FREM1: variants seen among roughly 807,000 people sequenced by gnomAD.
FREM1 encodes the protein FRAS1 related extracellular matrix 1.
Under a neutral mutation model 210.1 loss-of-function variants are expected in FREM1, and 220 were observed. That is an observed-to-expected ratio of 1.05 (90% confidence interval 0.94 to 1.17). The LOEUF is 1.17. Among genes scored for constraint, FREM1 ranks in the 50% most tolerant of loss-of-function variants. The probability of loss-of-function intolerance (pLI) is 0.00; values close to 1 mark genes in which losing one functional copy is unlikely to be tolerated. For synonymous variants in FREM1, 1,189 were observed against 980.2 expected (o/e 1.21, Z -3.98); for missense variants, 3,454 against 2,675.5 (o/e 1.29, Z -6.42).
At chr9:14,746,258 C>T (rs1842405798) in intron 35 of FREM1, 95 bp downstream of exon 35, 1 of 899,986 alleles carries the variant, frequency 1.1e-6, no homozygotes, top group Non-Finnish European at 1.8e-6. Flanking sequence ...GCACTCAATA[C>T]TTGTTGAATG....
intron 34 of FREM1, 53 bp downstream of exon 34, chr9:14,746,870 A>C: frequency 6.3e-7 from 1 of 1,581,690 alleles, no homozygotes. Flanking sequence ...CTATTAGCTT[A>C]TCATAGAGCA....
At chr9:14,862,883 C>G (rs1830826421) in intron 3 of FREM1, among the ~76,000 whole-genome samples, 1 of 152,076 alleles carries the variant, frequency 6.6e-6, no homozygotes, top group Non-Finnish European at 1.5e-5. Context: ...ATCCATTCAT[C>G]AGTTGGATTT....
chr9:14,882,352 G>A (rs865797054), intron 1 of FREM1, among the ~76,000 whole-genome samples: 3 of 152,060 alleles, frequency 2.0e-5, no homozygotes, highest in Non-Finnish European at 2.9e-5. Context: ...GAGAAGAGAG[G>A]AGATATCTAT....
At chr9:14,754,980 A>T (rs1844044195) in intron 29 of FREM1, among the ~76,000 whole-genome samples, 1 of 152,194 alleles carries the variant, frequency 6.6e-6, no homozygotes, top group Admixed American at 6.5e-5. Flanking sequence ...ACATGCACAC[A>T]AGGAGAACGC....
At chr9:14,803,431 C>T (rs114364385) in intron 19 of FREM1, among the ~76,000 whole-genome samples, 188 of 150,518 alleles carry the variant, frequency 1.2e-3, no homozygotes, top group African/African-American at 4.5e-3. Flanking sequence ...TCAATCATGG[C>T]TCACTGCACA....
chr9:14,747,632 C>G (rs895358724), intron 32 of FREM1, 49 bp downstream of exon 32: 1 of 1,130,854 alleles, frequency 8.8e-7, no homozygotes, highest in South Asian at 1.6e-5. Context: ...TCATTAAATA[C>G]TTGCATCCAT....
intron 10 of FREM1, among the ~76,000 whole-genome samples, chr9:14,833,729 G>A (rs1409306047): frequency 1.3e-5 from 2 of 152,210 alleles, no homozygotes; most frequent in East Asian, 3.8e-4. Flanking sequence ...ATTCAAGTTA[G>A]AGGTATATTT....
chr9:14,890,431 A>G (rs1836601891), intron 1 of FREM1, among the ~76,000 whole-genome samples: 1 of 152,262 alleles, frequency 6.6e-6, no homozygotes, highest in Non-Finnish European at 1.5e-5. Flanking sequence ...CGCTAAAATC[A>G]CCTTCTAAAA....
At chr9:14,868,624 A>G (rs1831984692) in intron 2 of FREM1, 120 bp downstream of exon 2, 1 of 678,538 alleles carries the variant, frequency 1.5e-6, no homozygotes. Context: ...AACATCTTCT[A>G]ATACTCGTCT....
rs572603801 is a variant in FREM1 at position 14,747,209 on chromosome 9, G to C, written c.6009+55C>G. On this transcript the variant is annotated intron_variant, in intron 33 of 36. Transcript: ENST00000380880. Reference sequence around the variant, plus strand: ...TATTTTGTGAATTAAGTGTGTTTCTGGCCCAGCAAACAACTTGTTATAAGG... The same window carrying C: ...TATTTTGTGAATTAAGTGTGTTTCTCGCCCAGCAAACAACTTGTTATAAGG... 1.5e-5 allele frequency: 24 copies of C among 1,583,800 alleles called. No homozygotes were observed. The African/African-American group carries it at 2.6e-4, about 17-fold the overall frequency.
chr9:14,909,338 A>T (rs1454306823), intron 1 of FREM1, among the ~76,000 whole-genome samples: 2 of 146,812 alleles, frequency 1.4e-5, no homozygotes, highest in Admixed American at 1.4e-4. Context: ...CTCAGTACTG[A>T]GCAGAGAGAG....
chr9:14,828,738 C>T (rs1445605362), intron 10 of FREM1, among the ~76,000 whole-genome samples: 1 of 151,552 alleles, frequency 6.6e-6, no homozygotes, highest in Non-Finnish European at 1.5e-5. Flanking sequence ...TCATTTATCC[C>T]GTTATAGCAG....
chr9:14,806,759 T>C lies in FREM1; in HGVS notation c.3176A>G (p.Asp1059Gly), dbSNP rs576233452. 9.3e-6 allele frequency: 15 copies of C among 1,605,680 alleles called. No individual in the cohort carries two copies. In the South Asian group the frequency reaches 1.7e-4, roughly 18 times the overall value. The change falls in exon 18 of 37, where the codon GAC becomes GGC. Residue 1059 changes from aspartate to glycine, a missense_variant. Transcript: ENST00000380880. The part of the protein sequence containing the change: ...SATDPDTAAD[D>G]LEFVLVSPPQ... ...AGGAGAAACCAAAACAAATTCCAAG[T>C]CATCTGCTGCAGTGTCAGGGTCAGT...
intron 24 of FREM1, 197 bp from the exon 25 acceptor site, chr9:14,776,400 C>G (rs1411308297): frequency 2.0e-6 from 1 of 498,430 alleles, no homozygotes; most frequent in African/African-American, 1.9e-5. Flanking sequence ...GACCATTCTA[C>G]ACCCAAGAAT....
At chr9:14,833,609 T>C (rs565761712) in intron 10 of FREM1, among the ~76,000 whole-genome samples, 1 of 152,342 alleles carries the variant, frequency 6.6e-6, no homozygotes, top group African/African-American at 2.4e-5. Flanking sequence ...GGTTACTTTT[T>C]TGTAACATTC....
intron 5 of FREM1, among the ~76,000 whole-genome samples, chr9:14,855,206 G>C (rs944334710): frequency 2.6e-5 from 4 of 151,846 alleles, no homozygotes; most frequent in Non-Finnish European, 5.9e-5. Context: ...AGAATAAGTA[G>C]GTAAATCTAA....
intron 5 of FREM1, among the ~76,000 whole-genome samples, chr9:14,852,737 G>A (rs556176530): frequency 3.5e-4 from 54 of 152,194 alleles, no homozygotes; most frequent in Non-Finnish European, 6.8e-4. Context: ...AGTTCTCACA[G>A]GATTTGATCT....
chr9:14,810,499 T>A (rs1250047224), intron 16 of FREM1, among the ~76,000 whole-genome samples: 1 of 152,168 alleles, frequency 6.6e-6, no homozygotes, highest in East Asian at 1.9e-4. Flanking sequence ...CTGCCCAGGT[T>A]GGAGTGCAGT....
chr9:14,803,634 G>A (rs1285731544), intron 19 of FREM1, among the ~76,000 whole-genome samples: 2 of 152,082 alleles, frequency 1.3e-5, no homozygotes, highest in Non-Finnish European at 2.9e-5. Context: ...CTCCCAAAGT[G>A]CTGGGATTAC....
Sources: gnomAD v4.1 joint callset for allele counts (sites outside exome capture counted in the v4.1 genomes callset) on GRCh38, gnomAD v4.1.1 for gene constraint, MANE v1.5 for transcripts, NCBI Gene and HGNC (gene_info 2026-07-23, HGNC 2026-07-21) for gene names.